TMEM132B: variants seen among roughly 807,000 people sequenced by gnomAD.
The protein encoded by TMEM132B is transmembrane protein 132B.
Under a neutral mutation model 90.8 loss-of-function variants are expected in TMEM132B, and 18 were observed. That is an observed-to-expected ratio of 0.20 (90% CI 0.14 to 0.29). The LOEUF is 0.29. Ranked by LOEUF, TMEM132B falls within the 10% of genes least tolerant of loss-of-function variation. The probability of loss-of-function intolerance (pLI) is 1.00; values close to 1 mark genes in which losing one functional copy is unlikely to be tolerated. For synonymous variants in TMEM132B, 504 were observed against 523.3 expected, an observed-to-expected ratio of 0.96 and a Z score of 0.50; for missense variants, 1,096 against 1,326.8, an observed-to-expected ratio of 0.83 and a Z score of 2.70.
chr12:125,433,619 A>C (rs188670355), intron 3 of TMEM132B, among the ~76,000 whole-genome samples: 4 of 145,430 alleles, frequency 2.8e-5, no homozygotes, highest in South Asian at 4.5e-4. Flanking sequence ...AGCTGCACCC[A>C]CTAACTCGTC....
chr12:125,524,347 T>A (rs796365522), intron 4 of TMEM132B, among the ~76,000 whole-genome samples: 28 of 152,348 alleles, frequency 1.8e-4, no homozygotes, highest in African/African-American at 5.8e-4. Context: ...TCCAGCCAGT[T>A]TCGTTATCCT....
chr12:125,617,262 T>G (rs987343454), intron 5 of TMEM132B, among the ~76,000 whole-genome samples: 1 of 152,132 alleles, frequency 6.6e-6, no homozygotes, highest in Admixed American at 6.5e-5. Context: ...GCACCTTATG[T>G]CACTTCTCAG....
chr12:125,549,872 C>T (rs1457608962), intron 4 of TMEM132B, among the ~76,000 whole-genome samples: 2 of 152,192 alleles, frequency 1.3e-5, no homozygotes, highest in African/African-American at 4.8e-5. Context: ...ACTCTGCACA[C>T]AGATGCCCTT....
intron 3 of TMEM132B, among the ~76,000 whole-genome samples, chr12:125,512,474 C>T (rs34792701): frequency 0.12 from 18,693 of 152,238 alleles, 1,680 homozygotes; most frequent in Admixed American, 0.29. Flanking sequence ...ATTTAATTTT[C>T]CCCATCAGCC....
At chr12:125,646,404 C>A (rs1886765877) in intron 6 of TMEM132B, among the ~76,000 whole-genome samples, 1 of 152,212 alleles carries the variant, frequency 6.6e-6, no homozygotes, top group Admixed American at 6.5e-5. Context: ...TTAAGAGATT[C>A]ATTGTCAGAA....
intron 1 of TMEM132B, among the ~76,000 whole-genome samples, chr12:125,310,985 T>G (rs1013118780): frequency 4.6e-5 from 7 of 152,220 alleles, no homozygotes; most frequent in African/African-American, 1.7e-4. Context: ...TTCCCGGAGC[T>G]TCCCAACTCT....
chr12:125,210,416 G>A (rs576709095), intron 1 of TMEM132B, among the ~76,000 whole-genome samples: 1 of 152,322 alleles, frequency 6.6e-6, no homozygotes, highest in East Asian at 1.9e-4. Context: ...ACATGGTGCC[G>A]TGGGCCATGG....
Position 125,445,975 on chromosome 12 carries a change from G to A in TMEM132B, c.1106+30298G>A, listed in dbSNP as rs1880996684. On this transcript the variant is annotated intron_variant, in intron 3 of 8. Transcript: ENST00000682704. This position sits in a 1 kb window ranked among gnomAD's most constrained non-coding sequence, Gnocchi z 4.3. ...GGTGGGCATCCCAGTGGAATTCTCTGCTATCCTGGGGGCTGCAACCTCGCT... is the reference window on the plus strand; with the variant it reads ...GGTGGGCATCCCAGTGGAATTCTCTACTATCCTGGGGGCTGCAACCTCGCT... Among the ~76,000 whole-genome samples, 2 of 152,024 alleles carry A rather than the reference G, an allele frequency of 1.3e-5. No homozygotes were observed. Among genetic ancestry groups the A allele is most frequent in the African/African-American group, 4.8e-5 (2 of 41,380 alleles).
At chr12:125,224,232 C>T (rs1565978395) in intron 1 of TMEM132B, among the ~76,000 whole-genome samples, 1 of 152,108 alleles carries the variant, frequency 6.6e-6, no homozygotes, top group Non-Finnish European at 1.5e-5. Flanking sequence ...TGTTTTTGCT[C>T]TTTGGCTATG....
chr12:125,443,179 A>G (rs1050065854), intron 3 of TMEM132B, among the ~76,000 whole-genome samples: 3 of 152,284 alleles, frequency 2.0e-5, no homozygotes, highest in African/African-American at 7.2e-5. Flanking sequence ...TCTCAATTGT[A>G]GAAAGTGGCC....
chr12:125,510,293 T>C (rs981340790), intron 3 of TMEM132B, among the ~76,000 whole-genome samples: 1 of 152,180 alleles, frequency 6.6e-6, no homozygotes, highest in Non-Finnish European at 1.5e-5. Context: ...TTTTCAGCTC[T>C]GAGAAAATGT....
intron 2 of TMEM132B, among the ~76,000 whole-genome samples, chr12:125,392,758 C>G (rs1879061066): frequency 6.6e-6 from 1 of 152,224 alleles, no homozygotes; most frequent in Non-Finnish European, 1.5e-5. Context: ...GCACTACACA[C>G]TTGTGTGATT....
intron 1 of TMEM132B, among the ~76,000 whole-genome samples, chr12:125,192,478 C>T (rs1025545668): frequency 2.0e-5 from 3 of 152,156 alleles, no homozygotes; most frequent in Non-Finnish European, 4.4e-5. Flanking sequence ...TTCCCCTCCC[C>T]CAACCCCCAT....
chr12:125,418,634 C>T (rs1255339320), intron 3 of TMEM132B, among the ~76,000 whole-genome samples: 3 of 152,126 alleles, frequency 2.0e-5, no homozygotes, highest in East Asian at 3.8e-4. Context: ...CTGCAAAATG[C>T]TGTAATCTCT....
intron 1 of TMEM132B, among the ~76,000 whole-genome samples, chr12:125,191,780 C>T (rs1872798817): frequency 6.6e-6 from 1 of 152,158 alleles, no homozygotes; most frequent in Non-Finnish European, 1.5e-5. Flanking sequence ...AAGGGCAAGA[C>T]TTTGGCAGGC....
chr12:125,517,526 A>G (rs1018276437), intron 3 of TMEM132B, among the ~76,000 whole-genome samples: 8 of 151,738 alleles, frequency 5.3e-5, no homozygotes, highest in Non-Finnish European at 8.8e-5. Context: ...ACTTGTACCA[A>G]TGGATATTTG....
intron 1 of TMEM132B, among the ~76,000 whole-genome samples, chr12:125,202,154 G>A (rs537963990): frequency 6.6e-6 from 1 of 152,346 alleles, no homozygotes; most frequent in East Asian, 1.9e-4. Flanking sequence ...CATGGCCTAA[G>A]CTGGGCCAAT....
At chr12:125,591,751 G>A (rs774611197) in intron 5 of TMEM132B, among the ~76,000 whole-genome samples, 4 of 152,096 alleles carry the variant, frequency 2.6e-5, no homozygotes, top group Non-Finnish European at 4.4e-5. Context: ...TTGGCTTGTG[G>A]CAGCATCACT....
At chr12:125,632,569 G>C (rs990099687) in intron 5 of TMEM132B, among the ~76,000 whole-genome samples, 3 of 152,080 alleles carry the variant, frequency 2.0e-5, no homozygotes, top group Non-Finnish European at 4.4e-5. Flanking sequence ...TTTCTTACAG[G>C]ACAGGCCTGA....
Sources: allele counts gnomAD v4.1 joint callset (sites outside exome capture counted in the v4.1 genomes callset), GRCh38; gene constraint gnomAD v4.1.1; non-coding constraint Gnocchi (gnomAD v3.1); transcripts MANE v1.5; gene names NCBI Gene and HGNC (gene_info 2026-07-23, HGNC 2026-07-21).